NCAM1: variants seen among roughly 807,000 people sequenced by gnomAD.
NCAM1 encodes the protein antigen recognized by monoclonal antibody 5.1H11.
A neutral mutation model predicts 109.8 loss-of-function variants in NCAM1; 14 were observed. That is an observed-to-expected ratio of 0.13 (90% CI 0.08 to 0.20). NCAM1 has a LOEUF of 0.20. NCAM1 is among the 10% of genes least tolerant of loss of function. NCAM1 has a pLI of 1.00. For missense variants in NCAM1, 774 were observed against 1,109.9 expected, an observed-to-expected ratio of 0.70 and a Z score of 4.30; for synonymous variants, 418 against 442.9, an observed-to-expected ratio of 0.94 and a Z score of 0.70.
intron 1 of NCAM1, among the ~76,000 whole-genome samples, chr11:113,009,606 G>A (rs1201263306): frequency 6.6e-6 from 1 of 152,040 alleles, no homozygotes; most frequent in Non-Finnish European, 1.5e-5. Flanking sequence ...GTGAGGATAG[G>A]AGTCTCCATG....
At chr11:113,113,747 T>C (rs2135973182) in intron 1 of NCAM1, among the ~76,000 whole-genome samples, 1 of 141,254 alleles carries the variant, frequency 7.1e-6, no homozygotes, top group East Asian at 2.0e-4. Flanking sequence ...CTTGCCTCTT[T>C]AGTTTAAGAC....
chr11:113,042,093 G>A (rs372124636), intron 1 of NCAM1, among the ~76,000 whole-genome samples: 2 of 152,030 alleles, frequency 1.3e-5, no homozygotes, highest in Non-Finnish European at 2.9e-5. Flanking sequence ...GTTAAGTCTC[G>A]CCCTGTGGCA....
chr11:112,966,156 C>T (rs782529369), intron 1 of NCAM1, among the ~76,000 whole-genome samples: 2 of 152,150 alleles, frequency 1.3e-5, no homozygotes, highest in Non-Finnish European at 2.9e-5. Context: ...AATGGCAGCA[C>T]ATTACAGGGA....
rs560466700 is a variant in NCAM1, at chr11:113,055,743, T to G, written c.52+94079T>G. 9.2e-5 allele frequency among the ~76,000 whole-genome samples: 14 copies of G among 152,032 alleles called. No homozygotes were observed. In the East Asian group the frequency reaches 2.7e-3, roughly 30 times the overall value. ...AGCAAAGGTGATGAGATATCACTTC[T>G]GTGATTATATTACATAAGACTGTAA... On this transcript the variant is annotated intron_variant, in intron 1 of 19. Coordinates refer to ENST00000316851, the MANE Select transcript of NCAM1 (RefSeq NM_181351.5).
intron 1 of NCAM1, among the ~76,000 whole-genome samples, chr11:113,126,155 C>CAAA (rs5794846): frequency 1.4e-5 from 2 of 140,758 alleles, no homozygotes; most frequent in East Asian, 4.2e-4. Flanking sequence ...TACCCTTTCT[C>CAAA]AAAAAAAAAA....
intron 1 of NCAM1, among the ~76,000 whole-genome samples, chr11:113,010,011 G>A (rs1453191260): frequency 6.7e-5 from 10 of 148,346 alleles, no homozygotes; most frequent in African/African-American, 2.5e-4. Context: ...CTTTGACTTA[G>A]GAAATTGAGC....
intron 13 of NCAM1, among the ~76,000 whole-genome samples, chr11:113,234,495 A>G (rs952476856): frequency 3.9e-5 from 6 of 152,054 alleles, no homozygotes; most frequent in Admixed American, 1.3e-4. Context: ...TTCTGTCTCT[A>G]TGTAGTTGGC....
intron 1 of NCAM1, among the ~76,000 whole-genome samples, chr11:113,074,319 G>A (rs1170664629): frequency 2.0e-5 from 3 of 152,160 alleles, no homozygotes; most frequent in Non-Finnish European, 4.4e-5. Context: ...GGTACCCCTG[G>A]ATTTGTATAG....
chr11:113,260,653 C>T (rs1360038546), intron 17 of NCAM1, among the ~76,000 whole-genome samples: 1 of 152,116 alleles, frequency 6.6e-6, no homozygotes, highest in African/African-American at 2.4e-5. Flanking sequence ...AGTAAGGATC[C>T]TTTTTTGAGA....
intron 1 of NCAM1, among the ~76,000 whole-genome samples, chr11:113,128,768 G>A (rs1240823855): frequency 6.6e-6 from 1 of 152,170 alleles, no homozygotes; most frequent in Non-Finnish European, 1.5e-5. Flanking sequence ...GAAGGAATGA[G>A]TGGAGAGATA....
intron 19 of NCAM1, chr11:113,272,927 C>T (rs1555125774): frequency 2.2e-6 from 1 of 456,804 alleles, no homozygotes; most frequent in South Asian, 1.5e-5. Flanking sequence ...TCCTGTCCTC[C>T]CACAGGCTGC....
intron 14 of NCAM1, among the ~76,000 whole-genome samples, chr11:113,237,469 G>T (rs1478252119): frequency 3.3e-5 from 5 of 152,186 alleles, no homozygotes; most frequent in East Asian, 1.9e-4. Flanking sequence ...AGTTGGTGCC[G>T]GGATGAACCA....
chr11:112,993,527 T>G (rs1348901785), intron 1 of NCAM1, among the ~76,000 whole-genome samples: 1 of 152,214 alleles, frequency 6.6e-6, no homozygotes, highest in Non-Finnish European at 1.5e-5. Context: ...ATGATGTCTC[T>G]TGATTCCTCA....
chr11:113,259,798 G>T (rs1945934801), intron 16 of NCAM1, among the ~76,000 whole-genome samples: 2 of 150,832 alleles, frequency 1.3e-5, no homozygotes, highest in Admixed American at 6.6e-5. Flanking sequence ...CCACCTCCTG[G>T]GTTCAAGCCA....
chr11:113,031,375 A>C (rs537796574), intron 1 of NCAM1, among the ~76,000 whole-genome samples: 1 of 152,270 alleles, frequency 6.6e-6, no homozygotes, highest in South Asian at 2.1e-4. Flanking sequence ...AAAGCACAAA[A>C]ATGTGAAAGA....
At position 113,079,912 on chromosome 11, in the gene NCAM1, C is replaced by T. The variant is rs181581243; in HGVS notation, c.52+118248C>T. Among the ~76,000 whole-genome samples, 23 of 152,270 alleles carry T rather than the reference C, an allele frequency of 1.5e-4. No homozygotes were observed. In the South Asian group the frequency reaches 1.9e-3, roughly 12 times the overall value. On this transcript the variant is annotated intron_variant, in intron 1 of 19. Transcript: ENST00000316851. ...GCCTCAGCTTACTTTTTCTTCAAAACGAATGGTCTTCGTTCTTTGGAAGGC... is the reference window on the plus strand; with the variant it reads ...GCCTCAGCTTACTTTTTCTTCAAAATGAATGGTCTTCGTTCTTTGGAAGGC...
At chr11:113,115,539 A>G (rs933153433) in intron 1 of NCAM1, among the ~76,000 whole-genome samples, 1 of 152,188 alleles carries the variant, frequency 6.6e-6, no homozygotes, top group African/African-American at 2.4e-5. Context: ...TGTCTTTTAG[A>G]TTCTGTAAGG....
At position 113,132,673 on chromosome 11, in the gene NCAM1, G is replaced by GGA. The variant is rs142344934; in HGVS notation, c.53-69692_53-69691dup. On this transcript the variant is annotated intron_variant, in intron 1 of 19. Transcript: ENST00000316851. ...GTGTCAGAGCGGGGGTGGGGGAGCT[G>GGA]GAGAGAGAGAGAGAGCGTGTTTAGG... Among the ~76,000 whole-genome samples, 610 of 148,626 alleles carry GGA rather than the reference G, an allele frequency of 4.1e-3. 3 individuals carry two copies. Among genetic ancestry groups the GGA allele is most frequent in the African/African-American group, 0.014 (562 of 40,114 alleles).
intron 1 of NCAM1, among the ~76,000 whole-genome samples, chr11:113,126,212 T>A (rs111565343): frequency 1.1e-3 from 163 of 148,636 alleles, no homozygotes; most frequent in African/African-American, 3.5e-3. Context: ...CAACAACAAA[T>A]AATAATAATA....
Sources: allele counts gnomAD v4.1 joint callset (sites outside exome capture counted in the v4.1 genomes callset), GRCh38; gene constraint gnomAD v4.1.1; transcripts MANE v1.5; gene names NCBI Gene and HGNC (gene_info 2026-07-23, HGNC 2026-07-21).